PHKB: variants seen among roughly 807,000 people sequenced by gnomAD.
The protein encoded by PHKB is phosphorylase kinase regulatory subunit beta, also known as phosphorylase b kinase regulatory subunit beta.
Under a neutral mutation model 152.1 loss-of-function variants are expected in PHKB, and 122 were observed. The observed-to-expected ratio is 0.80, with a 90% confidence interval of 0.69 to 0.93. PHKB has a LOEUF of 0.93. Among genes scored for constraint, PHKB ranks in the 40% least tolerant of loss-of-function variants. The pLI, the probability that PHKB is intolerant of heterozygous loss-of-function variation, is 0.00. For synonymous variants in PHKB, 436 were observed against 464.9 expected (o/e 0.94, Z 0.80); for missense variants, 1,304 against 1,328.4 (o/e 0.98, Z 0.29).
At chr16:47,579,733 A>T (rs560224504) in intron 7 of PHKB, among the ~76,000 whole-genome samples, 1 of 152,190 alleles carries the variant, frequency 6.6e-6, no homozygotes, top group African/African-American at 2.4e-5. Context: ...TCATTTTATT[A>T]TAAAGGGAAG....
intron 1 of PHKB, among the ~76,000 whole-genome samples, chr16:47,481,303 T>G (rs1969960104): frequency 6.6e-6 from 1 of 152,204 alleles, no homozygotes; most frequent in Admixed American, 6.5e-5. Flanking sequence ...AGGGTCATAT[T>G]TTATTGGCGC....
chr16:47,579,009 A>G (rs1402918851), intron 7 of PHKB, among the ~76,000 whole-genome samples: 1 of 152,044 alleles, frequency 6.6e-6, no homozygotes, highest in African/African-American at 2.4e-5. Flanking sequence ...GGTATAAATA[A>G]GGCAAAAAGG....
intron 7 of PHKB, among the ~76,000 whole-genome samples, chr16:47,558,090 T>G (rs1971409805): frequency 6.6e-6 from 1 of 151,162 alleles, no homozygotes; most frequent in South Asian, 2.1e-4. Context: ...TGTAGGGACA[T>G]GGATGAAATT....
intron 8 of PHKB, among the ~76,000 whole-genome samples, chr16:47,584,085 C>A (rs1438447056): frequency 1.3e-5 from 2 of 150,466 alleles, no homozygotes; most frequent in East Asian, 3.9e-4. Context: ...AAATCTTTTT[C>A]TGAAACTATT....
At chr16:47,600,380 G>A (rs917148228) in intron 13 of PHKB, among the ~76,000 whole-genome samples, 9 of 151,978 alleles carry the variant, frequency 5.9e-5, no homozygotes, top group Non-Finnish European at 7.4e-5. Flanking sequence ...TTTAAACCCC[G>A]TAAGACGTAT....
intron 6 of PHKB, among the ~76,000 whole-genome samples, chr16:47,530,733 C>T (rs920532554): frequency 6.6e-6 from 1 of 152,116 alleles, no homozygotes; most frequent in African/African-American, 2.4e-5. Context: ...AAATATTATA[C>T]TCTAAAGTAC....
intron 4 of PHKB, among the ~76,000 whole-genome samples, chr16:47,508,578 A>C (rs1281740138): frequency 2.0e-5 from 3 of 152,200 alleles, no homozygotes; most frequent in Non-Finnish European, 4.4e-5. Flanking sequence ...AAAATGGATG[A>C]CAAAATACTC....
intron 8 of PHKB, among the ~76,000 whole-genome samples, chr16:47,586,087 G>C (rs1018613132): frequency 1.3e-5 from 2 of 152,064 alleles, no homozygotes; most frequent in African/African-American, 4.8e-5. Context: ...CCTAGCTATG[G>C]TCCTCACCTT....
chr16:47,664,127 GC>G (rs1405002244), intron 24 of PHKB: 3 of 192,400 alleles, frequency 1.6e-5, no homozygotes, highest in Non-Finnish European at 3.2e-5. Context: ...ATAGTAGAAG[GC>G]TATTGTCTTG....
At chr16:47,684,016 G>A (rs1973914483) in intron 26 of PHKB, among the ~76,000 whole-genome samples, 1 of 149,652 alleles carries the variant, frequency 6.7e-6, no homozygotes, top group African/African-American at 2.4e-5. Flanking sequence ...GTTCTATTCT[G>A]TATGGCTTTT....
chr16:47,511,181 A>G (rs951655405), intron 4 of PHKB, among the ~76,000 whole-genome samples: 4 of 152,228 alleles, frequency 2.6e-5, no homozygotes, highest in Admixed American at 2.0e-4. Context: ...GCATGTTAAC[A>G]GTAGCATACA....
At chr16:47,654,729 A>G (rs1015468854) in intron 20 of PHKB, among the ~76,000 whole-genome samples, 3 of 150,252 alleles carry the variant, frequency 2.0e-5, no homozygotes, top group Admixed American at 6.7e-5. Flanking sequence ...ACATGTTCTC[A>G]CTCATAGGTG....
intron 4 of PHKB, 35 bp downstream of exon 4, chr16:47,503,125 T>C (rs1473282666): frequency 1.6e-6 from 2 of 1,272,454 alleles, no homozygotes; most frequent in African/African-American, 1.5e-5. Flanking sequence ...AATTCTCCCA[T>C]CATTCTGAAG....
intron 26 of PHKB, among the ~76,000 whole-genome samples, chr16:47,685,105 C>G (rs563236186): frequency 1.3e-5 from 2 of 152,144 alleles, no homozygotes; most frequent in African/African-American, 4.8e-5. Flanking sequence ...ATCCATCCAT[C>G]TTTTCCTTTC....
chr16:47,635,858 T>G (rs906402332), intron 14 of PHKB, among the ~76,000 whole-genome samples: 42 of 152,232 alleles, frequency 2.8e-4, no homozygotes, highest in African/African-American at 9.6e-4. Context: ...GATAATAGTT[T>G]GATAAAGCAC....
At chr16:47,697,570 C>T (rs1217313550) in intron 29 of PHKB, among the ~76,000 whole-genome samples, 1 of 152,152 alleles carries the variant, frequency 6.6e-6, no homozygotes, top group Non-Finnish European at 1.5e-5. Flanking sequence ...CTAAGGTTTC[C>T]CACATTGTGA....
At chr16:47,676,921 G>A (rs368166174) in intron 26 of PHKB, among the ~76,000 whole-genome samples, 4 of 152,302 alleles carry the variant, frequency 2.6e-5, no homozygotes, top group South Asian at 2.1e-4. Flanking sequence ...GTGTTATCAA[G>A]TATTTTTCAT....
chr16:47,664,661 T>C (rs892353082), intron 24 of PHKB: 8 of 554,400 alleles, frequency 1.4e-5, no homozygotes, highest in Non-Finnish European at 2.6e-5. Flanking sequence ...AGCCAATAAG[T>C]GATAGTTCTG....
chr16:47,693,492 G>T lies in PHKB; in HGVS notation c.2880G>T (p.Gly960=). ...CGCCCAATGGGATCATTGTTGCTGGGAAGCATTTGCCTCAGGTAAAGCCCC... is the reference window on the plus strand; with the variant it reads ...CGCCCAATGGGATCATTGTTGCTGGTAAGCATTTGCCTCAGGTAAAGCCCC... ...ERTPNGIIVA[G]KHLPQQPTLS... The change falls in exon 28 of 31, where the codon GGG becomes GGT. Residue 960 remains glycine, a synonymous_variant. Coordinates refer to ENST00000323584, the MANE Select transcript of PHKB (RefSeq NM_000293.3). The T allele has an allele frequency of 6.2e-7, 1 of 1,614,050 alleles. No homozygotes were observed. The highest frequency in any genetic ancestry group is 8.5e-7 in the Non-Finnish European group (1 of 1,179,982).
Sources: allele counts gnomAD v4.1 joint callset (sites outside exome capture counted in the v4.1 genomes callset), GRCh38; gene constraint gnomAD v4.1.1; transcripts MANE v1.5; gene names NCBI Gene and HGNC (gene_info 2026-07-23, HGNC 2026-07-21).